The following LITAF variants were observed in gnomAD, a reference collection of about 807,000 sequenced individuals.
LITAF encodes lipopolysaccharide-induced tumor necrosis factor-alpha factor.
Under a neutral mutation model 14.5 loss-of-function variants are expected in LITAF, and 9 were observed. The observed-to-expected ratio is 0.62, with a 90% CI of 0.37 to 1.08. The LOEUF (loss-of-function observed/expected upper bound fraction) is 1.08, where lower values mean the gene tolerates loss of function less well. Ranked by LOEUF, LITAF falls within the 50% of genes least tolerant of loss-of-function variation. LITAF has a pLI of 0.01. For missense variants in LITAF, 206 were observed against 213.4 expected (o/e 0.97, Z 0.22); for synonymous variants, 98 against 88.2 (o/e 1.11, Z -0.62).
intron 1 of LITAF, among the ~76,000 whole-genome samples, chr16:11,584,812 C>A (rs576141710): frequency 2.6e-5 from 4 of 152,154 alleles, no homozygotes; most frequent in African/African-American, 7.2e-5. Flanking sequence ...GCAAGGGTAG[C>A]GCTTTATTTC....
intron 1 of LITAF, among the ~76,000 whole-genome samples, chr16:11,596,873 G>A (rs1200869760): frequency 6.6e-6 from 1 of 151,880 alleles, no homozygotes; most frequent in South Asian, 2.1e-4. Flanking sequence ...CACACAAGCT[G>A]AGTACCCACT....
intron 3 of LITAF, among the ~76,000 whole-genome samples, chr16:11,625,237 G>C (rs902664560): frequency 6.6e-6 from 1 of 151,492 alleles, no homozygotes. Context: ...ATGGTGGGTG[G>C]TGTCTCCCGA....
intron 1 of LITAF, among the ~76,000 whole-genome samples, chr16:11,595,258 C>T (rs1183357989): frequency 1.3e-5 from 2 of 152,196 alleles, no homozygotes; most frequent in African/African-American, 2.4e-5. Flanking sequence ...GAGCCTGAGG[C>T]CAGGAGGACA....
chr16:11,624,777 G>C (rs1380863169), intron 3 of LITAF, among the ~76,000 whole-genome samples: 1 of 152,192 alleles, frequency 6.6e-6, no homozygotes, highest in Non-Finnish European at 1.5e-5. Flanking sequence ...CCTGTCAAGA[G>C]GTAGAGTCTA....
intron 1 of LITAF, 41 bp from the exon 2 acceptor site, chr16:11,556,776 G>A (rs2064277725): frequency 6.7e-7 from 1 of 1,501,358 alleles, no homozygotes; most frequent in East Asian, 2.3e-5. Context: ...AAATTCAGTT[G>A]ATCTCTCCCT....
intron 1 of LITAF, among the ~76,000 whole-genome samples, chr16:11,596,132 A>T (rs1385040963): frequency 6.6e-6 from 1 of 151,886 alleles, no homozygotes; most frequent in East Asian, 2.0e-4. Context: ...TAATGGGTCA[A>T]CCCTTCCCCT....
At chr16:11,603,776 G>A (rs541876648) in intron 3 of LITAF, among the ~76,000 whole-genome samples, 1 of 152,196 alleles carries the variant, frequency 6.6e-6, no homozygotes, top group Non-Finnish European at 1.5e-5. Context: ...CGGGCGCAGG[G>A]GCTCACGCCT....
upstream of LITAF, among the ~76,000 whole-genome samples, chr16:11,599,454 C>T (rs1288385676): frequency 6.6e-6 from 1 of 152,112 alleles, no homozygotes; most frequent in Non-Finnish European, 1.5e-5. Flanking sequence ...GCTCCCCTTC[C>T]ACCCAAAACA....
upstream of LITAF, among the ~76,000 whole-genome samples, chr16:11,637,900 ATATATATATATATCTATATC>A (rs145640700): frequency 9.6e-4 from 57 of 59,084 alleles, 12 homozygotes; most frequent in African/African-American, 6.9e-3. Flanking sequence ...AAAAAAAACT[ATATATATATATATCTATATC>A]TATATCTATA....
At chr16:11,587,641 G>C, upstream of LITAF, 1 of 225,892 alleles carries the variant, frequency 4.4e-6, no homozygotes, top group South Asian at 4.4e-5. Flanking sequence ...CGCCAGGTAG[G>C]CCTTTCTCAG....
intron 3 of LITAF, among the ~76,000 whole-genome samples, chr16:11,617,313 G>C (rs1034924927): frequency 6.6e-6 from 1 of 151,836 alleles, no homozygotes; most frequent in Non-Finnish European, 1.5e-5. Flanking sequence ...CCCATGAAAT[G>C]TATGAAAATG....
chr16:11,621,718 C>T (rs908186748), intron 3 of LITAF, among the ~76,000 whole-genome samples: 7 of 151,968 alleles, frequency 4.6e-5, no homozygotes, highest in African/African-American at 7.3e-5. Context: ...CAAGAGTGGC[C>T]GGCTCCCTGA....
chr16:11,601,413 A>G (rs991513993), upstream of LITAF, among the ~76,000 whole-genome samples: 3 of 151,910 alleles, frequency 2.0e-5, no homozygotes, highest in Non-Finnish European at 2.9e-5. Context: ...GGGCTCTCCA[A>G]TTTTCTTCTC....
chr16:11,632,023 C>G lies in LITAF; in HGVS notation c.85+1510G>C, dbSNP rs1473458901. ...CTGGGATTACAGGTGTGCGCCACCA[C>G]GCCCGGCTAATTTTTTTGTCTTTTT... is the stretch of plus-strand genomic sequence containing the variant. On this transcript the variant is annotated intron_variant, in intron 3 of 3. Coordinates refer to the LITAF transcript ENST00000574848. This position sits in a 1 kb window ranked among gnomAD's most constrained non-coding sequence, Gnocchi z 4.8. Among the ~76,000 whole-genome samples the G allele has an allele frequency of 2.6e-5, 4 of 151,934 alleles. No individual in the cohort carries two copies. The highest frequency in any genetic ancestry group is 9.7e-5 in the African/African-American group (4 of 41,360).
chr16:11,600,568 C>T (rs539899140), upstream of LITAF, among the ~76,000 whole-genome samples: 1 of 152,336 alleles, frequency 6.6e-6, no homozygotes, highest in East Asian at 1.9e-4. The surrounding 1 kb of genome is among the most constrained non-coding windows in gnomAD (Gnocchi z 4.1). Context: ...GGCATGCTTT[C>T]CTCTAGCTGG....
chr16:11,564,862 C>T (rs1449765297), intron 1 of LITAF, among the ~76,000 whole-genome samples: 1 of 151,998 alleles, frequency 6.6e-6, no homozygotes, highest in African/African-American at 2.4e-5. Flanking sequence ...AGATACAAAG[C>T]ACATCACTGG....
intron 1 of LITAF, among the ~76,000 whole-genome samples, chr16:11,573,226 G>A (rs945242818): frequency 3.3e-5 from 5 of 152,012 alleles, no homozygotes; most frequent in African/African-American, 7.3e-5. Context: ...CACTGCACCC[G>A]GCCATAAAAG....
intron 3 of LITAF, among the ~76,000 whole-genome samples, chr16:11,550,433 G>C (rs762260099): frequency 6.6e-6 from 1 of 152,142 alleles, no homozygotes; most frequent in Admixed American, 6.5e-5. Flanking sequence ...CTAGAATTGT[G>C]AGAGTTAATA....
chr16:11,636,497 G>A (rs1057280316), upstream of LITAF: 1 of 152,394 alleles, frequency 6.6e-6, no homozygotes, highest in Middle Eastern at 3.4e-3. Flanking sequence ...GTGAAGAACT[G>A]GTTAGGACTA....
Sources: allele counts gnomAD v4.1 joint callset (sites outside exome capture counted in the v4.1 genomes callset), GRCh38; gene constraint gnomAD v4.1.1; non-coding constraint Gnocchi (gnomAD v3.1); transcripts MANE v1.5; gene names NCBI Gene and HGNC (gene_info 2026-07-23, HGNC 2026-07-21).